The following CD163L1 variants were observed in gnomAD, a reference collection of about 807,000 sequenced individuals.
CD163L1 encodes the protein CD163 molecule like 1.
CD163L1 carries 124 observed loss-of-function variants against 165.4 expected under a neutral mutation model. The ratio of observed to expected loss-of-function variants is 0.75; its 90% confidence interval spans 0.65 to 0.87. The LOEUF is 0.87. Ranked by LOEUF, CD163L1 falls within the 40% of genes least tolerant of loss-of-function variation. The pLI, the probability that CD163L1 is intolerant of heterozygous loss-of-function variation, is 0.00. For missense variants in CD163L1, 1,525 were observed against 1,799.9 expected, an observed-to-expected ratio of 0.85 and a Z score of 2.76; for synonymous variants, 585 against 662.2, an observed-to-expected ratio of 0.88 and a Z score of 1.79.
At chr12:7,352,106 A>T (rs1016491437), downstream of CD163L1, among the ~76,000 whole-genome samples, 1 of 152,136 alleles carries the variant, frequency 6.6e-6, no homozygotes, top group Non-Finnish European at 1.5e-5. Flanking sequence ...TTAGCAATTG[A>T]TGGTATATGA....
chr12:7,399,365 T>A (rs1947858092), intron 6 of CD163L1, among the ~76,000 whole-genome samples: 1 of 124,782 alleles, frequency 8.0e-6, no homozygotes, highest in African/African-American at 2.6e-5. Flanking sequence ...CTCTTCTTTC[T>A]CTTTCTTTCT....
At position 7,375,262 on chromosome 12, in the gene CD163L1, A is replaced by G. The variant is rs1227920368; in HGVS notation, c.3001+19T>C. 3 of 1,611,144 alleles carry G rather than the reference A, an allele frequency of 1.9e-6. No individual in the cohort carries two copies. Among genetic ancestry groups the G allele is most frequent in the East Asian group, 4.5e-5 (2 of 44,850 alleles). On this transcript the variant is annotated intron_variant, in intron 11 of 19. Transcript: ENST00000313599. Reference sequence around the variant, plus strand: ...TGGGCTATATTGACAGTAGTTAACCATAAGCACTATTCTCTTACCTGTGCA... The same window carrying G: ...TGGGCTATATTGACAGTAGTTAACCGTAAGCACTATTCTCTTACCTGTGCA...
intron 14 of CD163L1, among the ~76,000 whole-genome samples, chr12:7,370,878 A>T (rs1947131499): frequency 6.6e-6 from 1 of 152,132 alleles, no homozygotes; most frequent in African/African-American, 2.4e-5. Flanking sequence ...ATGGTTTTTA[A>T]TCCTACTTCT....
chr12:7,436,968 A>C (rs1948722888), intron 2 of CD163L1, among the ~76,000 whole-genome samples: 2 of 151,180 alleles, frequency 1.3e-5, no homozygotes, highest in Non-Finnish European at 3.0e-5. Flanking sequence ...GATATGTGAT[A>C]AAATAAAAAT....
In CD163L1 at chr12:7,432,139, T is replaced by C. The variant is rs114524217; in HGVS notation, c.766+277A>G. Among the ~76,000 whole-genome samples, 657 of 152,264 alleles carry C rather than the reference T, an allele frequency of 4.3e-3. 7 individuals are homozygous for C. Among genetic ancestry groups the C allele is most frequent in the African/African-American group, 0.015 (631 of 41,554 alleles). ...ATATGATATTGTGTCAAGAAGTTAT[T>C]TGAAAAAGGTTTTTAGAAAAAAGAT... On this transcript the variant is annotated intron_variant, in intron 4 of 19. Coordinates refer to ENST00000313599, the MANE Select transcript of CD163L1 (RefSeq NM_174941.6). The surrounding 1 kb of genome is among the most constrained non-coding windows in gnomAD (Gnocchi z 4.2).
chr12:7,328,690 G>T, the CD163L1 span: 1 of 167,552 alleles, frequency 6.0e-6, no homozygotes, highest in Non-Finnish European at 1.3e-5. Flanking sequence ...TTTACCTTGT[G>T]CCTGATTGAT....
chr12:7,421,238 C>T (rs1948374562), intron 4 of CD163L1, among the ~76,000 whole-genome samples: 2 of 119,886 alleles, frequency 1.7e-5, no homozygotes, highest in African/African-American at 3.1e-5. Context: ...TGTATATATA[C>T]ATTTGGAAGA....
At chr12:7,381,924 A>T (rs1025275588) in intron 8 of CD163L1, among the ~76,000 whole-genome samples, 1 of 150,786 alleles carries the variant, frequency 6.6e-6, no homozygotes, top group Non-Finnish European at 1.5e-5. Context: ...TAAAAAGGTG[A>T]CATCATATTG....
In CD163L1 at chr12:7,379,102, T is replaced by A. The variant is rs1160942710; in HGVS notation, c.2247A>T (p.Thr749=). ...CAGAATTCGACATTAAGATGTGTAA[T>A]GTTCTTTCTGTGAAATGAGGCTCTC... ...VSREPHFTER[T]LHILMSNSGC... is the part of the protein sequence containing the mutation. The change falls in exon 9 of 20, where the codon ACA becomes ACT. Residue 749 remains threonine (T), a synonymous_variant. Transcript: ENST00000313599. 1 of 1,614,204 alleles carries A rather than the reference T, an allele frequency of 6.2e-7. No individual in the cohort carries two copies. Among genetic ancestry groups the A allele is most frequent in the South Asian group, 1.1e-5 (1 of 91,084 alleles).
chr12:7,434,859 T>C (rs1443352398), intron 2 of CD163L1, among the ~76,000 whole-genome samples: 2 of 152,170 alleles, frequency 1.3e-5, no homozygotes, highest in African/African-American at 4.8e-5. Context: ...GGATTGTGAG[T>C]TAACCATAAG....
At chr12:7,429,669 A>ATCCTTC (rs1267862188) in intron 4 of CD163L1, among the ~76,000 whole-genome samples, 1 of 151,944 alleles carries the variant, frequency 6.6e-6, no homozygotes, top group Admixed American at 6.6e-5. Flanking sequence ...TATAACTCCA[A>ATCCTTC]TCCATCCACT....
chr12:7,349,201 A>C (rs937816141), intron 4 of CD163L1, among the ~76,000 whole-genome samples: 2 of 152,200 alleles, frequency 1.3e-5, no homozygotes, highest in Non-Finnish European at 2.9e-5. Context: ...TCTTTAATCA[A>C]ATGACATTTA....
intron 5 of CD163L1, among the ~76,000 whole-genome samples, chr12:7,404,253 G>A (rs796522253): frequency 1.8e-4 from 28 of 152,036 alleles, no homozygotes; most frequent in African/African-American, 5.8e-4. Flanking sequence ...TTTTAACACC[G>A]TAAAATAAAA....
At chr12:7,380,699 G>C (rs1367342454) in intron 8 of CD163L1, among the ~76,000 whole-genome samples, 1 of 151,972 alleles carries the variant, frequency 6.6e-6, no homozygotes, top group Non-Finnish European at 1.5e-5. Flanking sequence ...TGGGTGATGA[G>C]TGCATCAAAA....
At chr12:7,403,142 A>C (rs1288942483) in intron 6 of CD163L1, among the ~76,000 whole-genome samples, 1 of 152,140 alleles carries the variant, frequency 6.6e-6, no homozygotes, top group Non-Finnish European at 1.5e-5. Flanking sequence ...TATATTCCTA[A>C]TTCTCTATAA....
At chr12:7,391,196 C>A (rs1947646656) in intron 8 of CD163L1, among the ~76,000 whole-genome samples, 1 of 152,092 alleles carries the variant, frequency 6.6e-6, no homozygotes, top group Non-Finnish European at 1.5e-5. Flanking sequence ...GATAACCACA[C>A]CAAAACCTCA....
rs1948665765 is a variant in CD163L1 at position 7,433,543 on chromosome 12, T to C, written c.276A>G (p.Pro92=). ...CAAAACGAAACATGGCGAAAGAAAA[T>C]GGACATCCAAGCTGTTTGCACACGA... The part of the protein sequence containing the change: ...STVVCKQLGC[P]FSFAMFRFGQ... The change falls in exon 3 of 20, where the codon CCA becomes CCG. Residue 92 remains proline, a synonymous_variant. Transcript: ENST00000313599. 1.2e-6 allele frequency: 2 copies of C among 1,613,884 alleles called. No homozygotes were observed. The highest frequency in any genetic ancestry group is 2.2e-5 in the East Asian group (1 of 44,866).
Position 7,379,047 on chromosome 12 carries a change from C to T in CD163L1, c.2302G>A (p.Asp768Asn), listed in dbSNP as rs1947329728. The T allele has an allele frequency of 1.2e-6, 2 of 1,614,038 alleles. No individual in the cohort carries two copies. The highest frequency in any genetic ancestry group is 1.7e-6 in the Non-Finnish European group (2 of 1,180,012). ...TGTTTCCACTCCCATCGTATACAAT[C>T]CCAGAGAGAGGCTTCCCCTCCAGTG... ...GCTGGEASLW[D>N]CIRWEWKQTA... is the part of the protein sequence containing the mutation. Residue 768 changes from aspartate to asparagine, a missense_variant, in exon 9 of 20, where the codon GAT becomes AAT. By Grantham distance (23) the Asp-to-Asn change is conservative. Transcript: ENST00000313599.
downstream of CD163L1, among the ~76,000 whole-genome samples, chr12:7,352,510 G>T (rs897812887): frequency 4.6e-5 from 7 of 152,090 alleles, no homozygotes; most frequent in Non-Finnish European, 1.0e-4. Context: ...ACTCTATAGA[G>T]AAATTTGAAA....
Sources: gnomAD v4.1 joint callset for allele counts (sites outside exome capture counted in the v4.1 genomes callset) on GRCh38, gnomAD v4.1.1 for gene constraint, Gnocchi (gnomAD v3.1) non-coding constraint, MANE v1.5 for transcripts, NCBI Gene and HGNC (gene_info 2026-07-23, HGNC 2026-07-21) for gene names.